The following UMAD1 variants were observed in gnomAD, a reference collection of about 807,000 sequenced individuals.
UMAD1 encodes UBAP1-MVB12-associated (UMA)-domain containing protein 1.
A neutral mutation model predicts 6.1 loss-of-function variants in UMAD1; 8 were observed. The observed-to-expected ratio is 1.30, with a 90% confidence interval of 0.76 to 2.35. UMAD1 has a LOEUF of 2.35. Ranked by LOEUF, UMAD1 falls within the 30% of genes most tolerant of loss-of-function variation. The pLI is 0.00. For missense variants in UMAD1, 130 were observed against 78.4 expected (o/e 1.66, Z -2.49); for synonymous variants, 56 against 31.4 (o/e 1.78, Z -2.61).
intron 1 of UMAD1, among the ~76,000 whole-genome samples, chr7:7,653,193 T>C (rs1785266876): frequency 6.6e-6 from 1 of 151,494 alleles, no homozygotes; most frequent in African/African-American, 2.4e-5. Context: ...CTTCAGAAAT[T>C]CTTCTTGTAC....
intron 3 of UMAD1, among the ~76,000 whole-genome samples, chr7:7,848,160 C>G (rs982204543): frequency 6.6e-6 from 1 of 152,032 alleles, no homozygotes; most frequent in Non-Finnish European, 1.5e-5. Flanking sequence ...ACAGTATAAC[C>G]TGTTTCAATT....
intron 2 of UMAD1, among the ~76,000 whole-genome samples, chr7:7,783,946 A>C (rs1782404644): frequency 6.6e-6 from 1 of 152,238 alleles, no homozygotes; most frequent in African/African-American, 2.4e-5. Context: ...AAAGATGAAG[A>C]AGAAATTAAA....
At chr7:7,678,149 T>C in intron 2 of UMAD1, among the ~76,000 whole-genome samples, 1 of 151,994 alleles carries the variant, frequency 6.6e-6, no homozygotes, top group South Asian at 2.1e-4. Flanking sequence ...TTTAGTTTTT[T>C]TGAGGAATCT....
chr7:7,782,343 C>A (rs1330025496), intron 2 of UMAD1, among the ~76,000 whole-genome samples: 1 of 152,054 alleles, frequency 6.6e-6, no homozygotes, highest in African/African-American at 2.4e-5. Flanking sequence ...TGATTCTCTT[C>A]CTTCTTACAG....
chr7:7,863,393 A>G (rs1233512924), intron 3 of UMAD1, among the ~76,000 whole-genome samples: 2 of 152,228 alleles, frequency 1.3e-5, no homozygotes, highest in African/African-American at 4.8e-5. Context: ...CAAGGTTCTG[A>G]TGAGAACTTT....
chr7:7,672,773 C>G (rs990881076), intron 1 of UMAD1, among the ~76,000 whole-genome samples: 1 of 152,120 alleles, frequency 6.6e-6, no homozygotes, highest in African/African-American at 2.4e-5. Flanking sequence ...ATCACTCAGT[C>G]GAGGATATTT....
At chr7:7,854,634 T>C (rs1156260058) in intron 3 of UMAD1, among the ~76,000 whole-genome samples, 6 of 152,116 alleles carry the variant, frequency 3.9e-5, no homozygotes, top group African/African-American at 1.2e-4. Flanking sequence ...TTATGGGGGT[T>C]ACAATTCAAG....
intron 3 of UMAD1, among the ~76,000 whole-genome samples, chr7:7,810,298 A>G (rs1782997289): frequency 6.6e-6 from 1 of 152,062 alleles, no homozygotes; most frequent in Non-Finnish European, 1.5e-5. Context: ...CATTTTGGCA[A>G]TAGGTATTAA....
chr7:7,783,321 A>G (rs1449463218), intron 2 of UMAD1, among the ~76,000 whole-genome samples: 1 of 148,728 alleles, frequency 6.7e-6, no homozygotes, highest in African/African-American at 2.6e-5. Flanking sequence ...CAAAGGAATT[A>G]ATTATTTCTC....
intron 3 of UMAD1, among the ~76,000 whole-genome samples, chr7:7,804,156 G>A (rs538784025): frequency 1.3e-5 from 2 of 152,252 alleles, no homozygotes; most frequent in Middle Eastern, 3.4e-3. Context: ...TACCGGCTGG[G>A]CAATGAGAGG....
At chr7:7,688,453 G>A (rs1390507817) in intron 2 of UMAD1, among the ~76,000 whole-genome samples, 1 of 152,176 alleles carries the variant, frequency 6.6e-6, no homozygotes, top group South Asian at 2.1e-4. Flanking sequence ...CTGATTATCC[G>A]AATCCAAGGT....
At chr7:7,770,313 G>A (rs977453425) in intron 2 of UMAD1, among the ~76,000 whole-genome samples, 6 of 152,124 alleles carry the variant, frequency 3.9e-5, no homozygotes, top group East Asian at 1.9e-4. Context: ...GGGCTCTGGA[G>A]CCTGCCTAGC....
intron 2 of UMAD1, among the ~76,000 whole-genome samples, chr7:7,762,381 A>T (rs1211423611): frequency 1.3e-5 from 2 of 152,194 alleles, no homozygotes. Flanking sequence ...TAATATTTTC[A>T]TTCGAGGTTT....
At chr7:7,721,258 A>G (rs1057127511) in intron 2 of UMAD1, among the ~76,000 whole-genome samples, 43 of 152,200 alleles carry the variant, frequency 2.8e-4, no homozygotes, top group Admixed American at 2.6e-4. Flanking sequence ...TTGCTATGGC[A>G]GCTTTAGGAA....
chr7:7,693,715 A>G (rs1780236090), intron 2 of UMAD1, among the ~76,000 whole-genome samples: 1 of 152,124 alleles, frequency 6.6e-6, no homozygotes, highest in Admixed American at 6.5e-5. Context: ...AATTTTAATA[A>G]TTTAGCAATA....
chr7:7,785,588 T>G (rs143249788), intron 2 of UMAD1, among the ~76,000 whole-genome samples: 8 of 152,138 alleles, frequency 5.3e-5, no homozygotes, highest in African/African-American at 1.9e-4. Flanking sequence ...GGAGAATGGA[T>G]TGAAGGAAGG....
intron 2 of UMAD1, among the ~76,000 whole-genome samples, chr7:7,788,315 G>A (rs1218091587): frequency 5.3e-5 from 8 of 152,186 alleles, no homozygotes; most frequent in Admixed American, 5.2e-4. Context: ...CATATTGTTA[G>A]CTGGTTGAAA....
intron 2 of UMAD1, among the ~76,000 whole-genome samples, chr7:7,681,498 TG>T (rs138246682): frequency 0.04 from 6,099 of 152,220 alleles, 424 homozygotes; most frequent in African/African-American, 0.14. Context: ...AAATGTCTAG[TG>T]GTGCCGAATA....
At chr7:7,764,451 A>G (rs979545109) in intron 2 of UMAD1, among the ~76,000 whole-genome samples, 1 of 152,236 alleles carries the variant, frequency 6.6e-6, no homozygotes, top group African/African-American at 2.4e-5. Flanking sequence ...GATATAAGCA[A>G]CTTGTTGGAA....
Sources: allele counts gnomAD v4.1 joint callset (sites outside exome capture counted in the v4.1 genomes callset), GRCh38; gene constraint gnomAD v4.1.1; transcripts MANE v1.5; gene names NCBI Gene and HGNC (gene_info 2026-07-23, HGNC 2026-07-21).